The following DLG2 variants were observed in gnomAD, a reference collection of about 807,000 sequenced individuals.
DLG2 encodes the protein disks large homolog 2.
In DLG2, 45 loss-of-function variants were observed where a neutral mutation model predicts 132.5. The observed-to-expected ratio is 0.34, with a 90% CI of 0.27 to 0.44. The LOEUF (loss-of-function observed/expected upper bound fraction) is 0.44. Ranked by LOEUF, DLG2 falls within the 20% of genes least tolerant of loss-of-function variation. DLG2 has a pLI of 1.00. For synonymous variants in DLG2, 424 were observed against 419.6 expected (o/e 1.01, Z -0.13); for missense variants, 1,045 against 1,196.9 (o/e 0.87, Z 1.87).
At chr11:85,079,520 C>A (rs1377161942) in intron 6 of DLG2, among the ~76,000 whole-genome samples, 2 of 150,546 alleles carry the variant, frequency 1.3e-5, no homozygotes, top group Non-Finnish European at 3.0e-5. Flanking sequence ...ACCTTATCCC[C>A]CTCTGGCCAA....
At chr11:84,111,368 T>TA (rs2093341563) in intron 9 of DLG2, among the ~76,000 whole-genome samples, 1 of 152,184 alleles carries the variant, frequency 6.6e-6, no homozygotes, top group Non-Finnish European at 1.5e-5. Context: ...TGGGCTTCCG[T>TA]AAAACTTCAT....
intron 6 of DLG2, among the ~76,000 whole-genome samples, chr11:84,941,685 T>C (rs1591603454): frequency 1.3e-5 from 2 of 150,358 alleles, no homozygotes; most frequent in African/African-American, 4.9e-5. Flanking sequence ...GCCTGTAGTT[T>C]TCTTTCTTTC....
At chr11:83,519,415 C>T (rs1325955461) in intron 21 of DLG2, among the ~76,000 whole-genome samples, 1 of 152,126 alleles carries the variant, frequency 6.6e-6, no homozygotes, top group Non-Finnish European at 1.5e-5. Flanking sequence ...TTTATTTGAA[C>T]ATGATAGATG....
intron 3 of DLG2, among the ~76,000 whole-genome samples, chr11:85,542,863 T>A (rs1443541019): frequency 6.6e-6 from 1 of 152,238 alleles, no homozygotes; most frequent in African/African-American, 2.4e-5. Flanking sequence ...ATAAGATAAA[T>A]ATAAGTTGTA....
intron 7 of DLG2, among the ~76,000 whole-genome samples, chr11:84,477,171 A>G (rs931843283): frequency 3.3e-5 from 5 of 152,070 alleles, no homozygotes; most frequent in African/African-American, 9.7e-5. Flanking sequence ...TTACTGACCA[A>G]TATCTCTTTT....
intron 7 of DLG2, among the ~76,000 whole-genome samples, chr11:84,517,915 G>A (rs1388026859): frequency 6.6e-6 from 1 of 151,898 alleles, no homozygotes; most frequent in Non-Finnish European, 1.5e-5. Flanking sequence ...GACAAATATA[G>A]CATGATCTTA....
At chr11:84,358,783 C>T (rs1216637153) in intron 7 of DLG2, among the ~76,000 whole-genome samples, 2 of 151,890 alleles carry the variant, frequency 1.3e-5, no homozygotes, top group Non-Finnish European at 2.9e-5. Context: ...AATCATTTTG[C>T]TGTATAATAA....
In DLG2 at chr11:84,846,518, T is replaced by C. The variant is rs552414901; in HGVS notation, c.357+265143A>G. Among the ~76,000 whole-genome samples the C allele has an allele frequency of 2.6e-5, 4 of 152,242 alleles. No individual in the cohort carries two copies. In the East Asian group the frequency reaches 7.7e-4, roughly 29 times the overall value. ...CCATTGTTTCTGCTCTGTAATAAAC[T>C]ACAACTACTCTCACCTGTGATACAT... is the stretch of plus-strand genomic sequence containing the variant. On this transcript the variant is annotated intron_variant, in intron 6 of 27. Coordinates refer to ENST00000376104, the MANE Select transcript of DLG2 (RefSeq NM_001142699.3).
At chr11:84,428,531 T>C (rs1032814726) in intron 7 of DLG2, among the ~76,000 whole-genome samples, 1 of 152,204 alleles carries the variant, frequency 6.6e-6, no homozygotes, top group Non-Finnish European at 1.5e-5. Flanking sequence ...GAGCTCTCTT[T>C]CCCTGGTTTG....
chr11:84,714,799 C>T (rs1422519609), intron 6 of DLG2, among the ~76,000 whole-genome samples: 1 of 151,772 alleles, frequency 6.6e-6, no homozygotes, highest in Non-Finnish European at 1.5e-5. Flanking sequence ...GAAGAAATAA[C>T]ACTGGTAAAA....
At chr11:83,860,427 G>A (rs1234786505) in intron 16 of DLG2, among the ~76,000 whole-genome samples, 2 of 152,162 alleles carry the variant, frequency 1.3e-5, no homozygotes, top group Non-Finnish European at 2.9e-5. Context: ...CCATTTTGGA[G>A]CTTTAAGATT....
intron 6 of DLG2, among the ~76,000 whole-genome samples, chr11:85,072,032 A>C (rs1359693021): frequency 6.6e-6 from 1 of 151,852 alleles, no homozygotes; most frequent in Non-Finnish European, 1.5e-5. Context: ...TATGTCACTC[A>C]AAGGTAAAAA....
chr11:85,492,303 T>C (rs1164434870), intron 3 of DLG2, among the ~76,000 whole-genome samples: 3 of 152,304 alleles, frequency 2.0e-5, no homozygotes, highest in African/African-American at 4.8e-5. Flanking sequence ...CACCAAGCTA[T>C]AAAATTTGCA....
chr11:85,483,920 G>C (rs2093359733), intron 3 of DLG2, among the ~76,000 whole-genome samples: 1 of 150,640 alleles, frequency 6.6e-6, no homozygotes, highest in Non-Finnish European at 1.5e-5. Context: ...AATAATAATA[G>C]CTACAATACT....
chr11:83,979,670 C>T (rs2092608012), intron 12 of DLG2, among the ~76,000 whole-genome samples: 1 of 152,082 alleles, frequency 6.6e-6, no homozygotes, highest in Non-Finnish European at 1.5e-5. Context: ...TAGCTATAAC[C>T]CTGTCTAAGG....
At chr11:85,149,789 T>C (rs1264576343) in intron 5 of DLG2, among the ~76,000 whole-genome samples, 2 of 152,040 alleles carry the variant, frequency 1.3e-5, no homozygotes, top group Non-Finnish European at 2.9e-5. Flanking sequence ...AAATTCAAAC[T>C]TGACCAGATG....
intron 6 of DLG2, among the ~76,000 whole-genome samples, chr11:84,852,055 T>C (rs2154022824): frequency 6.6e-6 from 1 of 152,150 alleles, no homozygotes; most frequent in African/African-American, 2.4e-5. Context: ...CATTTATTTA[T>C]TTAGAATACA....
intron 7 of DLG2, among the ~76,000 whole-genome samples, chr11:84,481,475 T>A (rs1332540004): frequency 2.6e-5 from 4 of 152,162 alleles, no homozygotes; most frequent in African/African-American, 4.8e-5. Context: ...ATAGTAGTAC[T>A]TATCTCACAG....
At chr11:83,646,362 A>T (rs616808) in intron 18 of DLG2, among the ~76,000 whole-genome samples, 6 of 104,846 alleles carry the variant, frequency 5.7e-5, no homozygotes, top group African/African-American at 1.1e-4. Flanking sequence ...TGAAACAGAG[A>T]GAGAGAGAGA....
Sources: allele counts gnomAD v4.1 joint callset (sites outside exome capture counted in the v4.1 genomes callset), GRCh38; gene constraint gnomAD v4.1.1; transcripts MANE v1.5; gene names NCBI Gene and HGNC (gene_info 2026-07-23, HGNC 2026-07-21).